Variants in PEX14 observed in about 807,000 individuals in gnomAD.
PEX14 encodes the protein peroxisomal membrane protein PEX14.
Under a neutral mutation model 49.5 loss-of-function variants are expected in PEX14, and 15 were observed. That is an observed-to-expected ratio of 0.30 (90% CI 0.20 to 0.47). PEX14 has a LOEUF of 0.47. Ranked by LOEUF, PEX14 falls within the 20% of genes least tolerant of loss-of-function variation. The pLI is 1.00. For synonymous variants in PEX14, 210 were observed against 212.7 expected, an observed-to-expected ratio of 0.99 and a Z score of 0.11; for missense variants, 398 against 494.8, an observed-to-expected ratio of 0.80 and a Z score of 1.86.
At chr1:10,541,824 C>T (rs537488136) in intron 3 of PEX14, among the ~76,000 whole-genome samples, 4 of 152,334 alleles carry the variant, frequency 2.6e-5, no homozygotes, top group African/African-American at 9.6e-5. Context: ...AACAGAGATG[C>T]CCTGGCTTCC....
chr1:10,491,154 A>G (rs943312098), intron 1 of PEX14, among the ~76,000 whole-genome samples: 3 of 151,708 alleles, frequency 2.0e-5, no homozygotes, highest in African/African-American at 4.8e-5. Flanking sequence ...GGCGTGAGCT[A>G]CTGTGCCCGG....
intron 3 of PEX14, among the ~76,000 whole-genome samples, chr1:10,557,568 A>G (rs891670077): frequency 1.3e-5 from 2 of 152,260 alleles, no homozygotes; most frequent in African/African-American, 4.8e-5. Context: ...GCTGGGCAAC[A>G]GAGTGAGACT....
chr1:10,578,333 A>C (rs1481601785), intron 3 of PEX14, among the ~76,000 whole-genome samples: 1 of 152,138 alleles, frequency 6.6e-6, no homozygotes, highest in African/African-American at 2.4e-5. Flanking sequence ...GAAATCCCAG[A>C]AGGGCTACCC....
chr1:10,549,367 T>C (rs1438876730), intron 3 of PEX14, among the ~76,000 whole-genome samples: 2 of 152,194 alleles, frequency 1.3e-5, no homozygotes, highest in African/African-American at 4.8e-5. Flanking sequence ...TTATTCTAAT[T>C]GCAAAATTTG....
chr1:10,542,885 C>T (rs1268442716), intron 3 of PEX14, among the ~76,000 whole-genome samples: 2 of 152,068 alleles, frequency 1.3e-5, no homozygotes, highest in African/African-American at 2.4e-5. Context: ...TTGTTGAACG[C>T]GTGTTGGTTT....
intron 4 of PEX14, among the ~76,000 whole-genome samples, chr1:10,605,687 C>T (rs1464420119): frequency 2.6e-5 from 4 of 152,216 alleles, no homozygotes; most frequent in Non-Finnish European, 4.4e-5. Flanking sequence ...TAGCAAATGT[C>T]GCCTCCACCT....
At chr1:10,543,425 C>T (rs998722532) in intron 3 of PEX14, among the ~76,000 whole-genome samples, 2 of 152,188 alleles carry the variant, frequency 1.3e-5, no homozygotes, top group African/African-American at 2.4e-5. Flanking sequence ...TGAGCCACCA[C>T]TCCCGGCCTG....
intron 3 of PEX14, among the ~76,000 whole-genome samples, chr1:10,554,133 C>CA (rs33963510): frequency 0.043 from 4,793 of 110,970 alleles, 114 homozygotes; most frequent in African/African-American, 0.072. Flanking sequence ...ACTAAAAATA[C>CA]AAAAAAAAAA....
chr1:10,602,621 A>G (rs966543249), intron 4 of PEX14, among the ~76,000 whole-genome samples: 4 of 152,350 alleles, frequency 2.6e-5, no homozygotes, highest in Non-Finnish European at 5.9e-5. Context: ...GAACCCCAGT[A>G]AAAACCAGGG....
intron 3 of PEX14, among the ~76,000 whole-genome samples, chr1:10,541,728 T>C (rs1639020724): frequency 6.6e-6 from 1 of 152,214 alleles, no homozygotes; most frequent in South Asian, 2.1e-4. Flanking sequence ...GCTCCCCCTG[T>C]TATCCAAACT....
intron 1 of PEX14, among the ~76,000 whole-genome samples, chr1:10,490,997 GTT>G (rs148792563): frequency 1.3e-4 from 18 of 135,810 alleles, no homozygotes; most frequent in Admixed American, 1.5e-4. Flanking sequence ...GCCCGGCCTT[GTT>G]TTTTTTTTTT....
At chr1:10,478,055 A>ATT (rs796331986) in intron 1 of PEX14, among the ~76,000 whole-genome samples, 1 of 147,494 alleles carries the variant, frequency 6.8e-6, no homozygotes, top group African/African-American at 2.5e-5. Flanking sequence ...GGCCTGGCTA[A>ATT]TTTTTTTTTT....
At chr1:10,615,500 A>G (rs568739638) in intron 4 of PEX14, among the ~76,000 whole-genome samples, 31 of 152,360 alleles carry the variant, frequency 2.0e-4, no homozygotes, top group African/African-American at 7.0e-4. Flanking sequence ...TCTGCGTTTG[A>G]ATCGTGCATT....
At chr1:10,599,450 C>A in intron 4 of PEX14, 84 bp downstream of exon 4, 1 of 1,495,540 alleles carries the variant, frequency 6.7e-7, no homozygotes, top group Non-Finnish European at 9.3e-7. Context: ...ATCTCCCAGA[C>A]TTAGCAAACC....
chr1:10,629,425 A>C lies in PEX14; in HGVS notation c.678-106A>C, dbSNP rs1641843307. 1.3e-6 allele frequency: 1 copy of C among 772,634 alleles called. No individual in the cohort carries two copies. Among genetic ancestry groups the C allele is most frequent in the Non-Finnish European group, 2.3e-6 (1 of 439,382 alleles). 47.9% of individuals were successfully genotyped at this position (772,634 alleles called of 1,614,324 possible). On this transcript the variant is annotated intron_variant, in intron 8 of 8. Transcript: ENST00000356607. The surrounding 1 kb of genome is among the most constrained non-coding windows in gnomAD (Gnocchi z 8.5). ...GTCCCTTGCCCAGTGTCCCTGGGGG[A>C]GCAGCTCACCATCGCCGAGCCCTTG...
intron 2 of PEX14, among the ~76,000 whole-genome samples, chr1:10,527,579 C>G (rs1216674350): frequency 6.7e-6 from 1 of 148,712 alleles, no homozygotes; most frequent in African/African-American, 2.5e-5. Context: ...ATGAGTAGTT[C>G]TTTTTTTTTG....
chr1:10,534,502 A>G (rs1228017899), intron 2 of PEX14, among the ~76,000 whole-genome samples: 2 of 149,644 alleles, frequency 1.3e-5, no homozygotes, highest in East Asian at 2.0e-4. Flanking sequence ...CCCTTCTCCT[A>G]TCTCTTCATT....
In PEX14 at chr1:10,590,291, G is replaced by A. The variant is rs150460490; in HGVS notation, c.170-8947G>A. Among the ~76,000 whole-genome samples, 678 of 152,356 alleles carry A rather than the reference G, an allele frequency of 4.5e-3. 7 individuals carry two copies. Among genetic ancestry groups the A allele is most frequent in the African/African-American group, 0.015 (639 of 41,586 alleles). On this transcript the variant is annotated intron_variant, in intron 3 of 8. Coordinates refer to ENST00000356607, the MANE Select transcript of PEX14 (RefSeq NM_004565.3). The stretch of plus-strand genomic sequence containing the variant: ...GGCAGGCCTGCACAGGGTTAGCGTG[G>A]AGCTCAAAGAGTTAAAGATGTAAAG...
chr1:10,481,566 C>T (rs529535450), intron 1 of PEX14, among the ~76,000 whole-genome samples: 3 of 152,034 alleles, frequency 2.0e-5, no homozygotes, highest in South Asian at 4.2e-4. Flanking sequence ...CTCAGCCTCC[C>T]GAGTAGCTGG....
Sources: gnomAD v4.1 joint callset for allele counts (sites outside exome capture counted in the v4.1 genomes callset) on GRCh38, gnomAD v4.1.1 for gene constraint, Gnocchi (gnomAD v3.1) non-coding constraint, MANE v1.5 for transcripts, NCBI Gene and HGNC (gene_info 2026-07-23, HGNC 2026-07-21) for gene names.